TCF12: variants seen among roughly 807,000 people sequenced by gnomAD.
TCF12 encodes transcription factor 12.
A neutral mutation model predicts 86.0 loss-of-function variants in TCF12; 45 were observed. That is an observed-to-expected ratio of 0.52 (90% CI 0.41 to 0.67). TCF12 has a LOEUF of 0.67. TCF12 is among the 30% of genes least tolerant of loss of function. TCF12 has a pLI of 0.00. For missense variants in TCF12, 881 were observed against 859.9 expected, an observed-to-expected ratio of 1.02 and a Z score of -0.31; for synonymous variants, 330 against 299.6, an observed-to-expected ratio of 1.10 and a Z score of -1.05.
chr15:56,939,586 G>A (rs375900902), intron 3 of TCF12, among the ~76,000 whole-genome samples: 1 of 152,150 alleles, frequency 6.6e-6, no homozygotes, highest in Non-Finnish European at 1.5e-5. Context: ...CAAAGATAGT[G>A]CTTTACACTT....
intron 3 of TCF12, among the ~76,000 whole-genome samples, chr15:56,966,451 GCCTTGT>G (rs1652339757): frequency 6.6e-6 from 1 of 152,164 alleles, no homozygotes. Flanking sequence ...AGGTAGCTAA[GCCTTGT>G]TAAAATCAGA....
chr15:57,181,226 G>A, intron 6 of TCF12, among the ~76,000 whole-genome samples: 1 of 151,922 alleles, frequency 6.6e-6, no homozygotes. Context: ...GACAAAGTAA[G>A]CCTGTTTTTC....
In TCF12 at chr15:57,007,852, C is replaced by CCCTTCCTTCCTTCCTTCCTT. The variant is rs60825721; in HGVS notation, c.149-55854_149-55835dup. 2.0e-3 allele frequency among the ~76,000 whole-genome samples: 203 copies of CCCTTCCTTCCTTCCTTCCTT among 101,216 alleles called. 4 individuals carry two copies. The highest frequency in any genetic ancestry group is 2.6e-3 in the Non-Finnish European group (132 of 50,236). 66.4% of individuals were successfully genotyped at this position (101,216 alleles called of 152,430 possible). ...TCTTTCTTTCTTTCTCTCTTTCCCT[C>CCCTTCCTTCCTTCCTTCCTT]CCTTCCTTCCTTCCTTCCTTCCTTC... On this transcript the variant is annotated intron_variant, in intron 3 of 20. Transcript: ENST00000333725.
At chr15:57,081,606 C>G (rs2070664290) in intron 4 of TCF12, among the ~76,000 whole-genome samples, 1 of 152,168 alleles carries the variant, frequency 6.6e-6, no homozygotes. Context: ...GGCGTGATCT[C>G]AGATCACTAC....
intron 3 of TCF12, among the ~76,000 whole-genome samples, chr15:57,002,528 A>G (rs1435893038): frequency 6.6e-6 from 1 of 152,194 alleles, no homozygotes; most frequent in East Asian, 1.9e-4. Flanking sequence ...ATTGACTATA[A>G]TTAATTGACT....
intron 4 of TCF12, among the ~76,000 whole-genome samples, chr15:57,090,960 T>C (rs1471348767): frequency 1.3e-5 from 2 of 152,228 alleles, no homozygotes; most frequent in African/African-American, 4.8e-5. Flanking sequence ...TTGTAACACT[T>C]GTTTTTGTTT....
chr15:57,075,804 T>TTCTTTCTTTCTTTC (rs1461514777), intron 4 of TCF12, among the ~76,000 whole-genome samples: 7 of 28,600 alleles, frequency 2.4e-4, no homozygotes, highest in Non-Finnish European at 3.9e-4. Flanking sequence ...CTTTCTTTCT[T>TTCTTTCTTTCTTTC]TCTCTCTCTC....
chr15:57,282,607 G>C lies in TCF12; in HGVS notation c.*11+9G>C, dbSNP rs368193060. 6.2e-7 allele frequency: 1 copy of C among 1,600,450 alleles called. No homozygotes were observed. The highest frequency in any genetic ancestry group is 8.5e-7 in the Non-Finnish European group (1 of 1,175,750). ...ATGTAAACATCAGCCAGGTAAGTACGGGTTTGAAAAGAAACAGCAAGGAAA... is the reference window on the plus strand; with the variant it reads ...ATGTAAACATCAGCCAGGTAAGTACCGGTTTGAAAAGAAACAGCAAGGAAA... On this transcript the variant is annotated intron_variant, in intron 20 of 20. Transcript: ENST00000333725.
chr15:57,167,912 T>C (rs1485092836), intron 6 of TCF12, among the ~76,000 whole-genome samples: 2 of 152,340 alleles, frequency 1.3e-5, no homozygotes, highest in East Asian at 3.9e-4. Context: ...CATTGTGTCA[T>C]AGCCAGTGTT....
intron 4 of TCF12, among the ~76,000 whole-genome samples, chr15:57,075,826 C>CTT (rs1158055663): frequency 4.8e-4 from 30 of 61,984 alleles, no homozygotes; most frequent in South Asian, 1.4e-3. Context: ...CTCTCTCTCT[C>CTT]TCTCTCTCTT....
intron 3 of TCF12, among the ~76,000 whole-genome samples, chr15:57,019,708 A>G (rs2065357129): frequency 6.6e-6 from 1 of 152,024 alleles, no homozygotes; most frequent in Admixed American, 6.6e-5. Flanking sequence ...AAACATCTCA[A>G]AAGACCAGCC....
intron 3 of TCF12, among the ~76,000 whole-genome samples, chr15:56,939,802 A>G (rs575389373): frequency 6.6e-6 from 1 of 152,266 alleles, no homozygotes; most frequent in East Asian, 1.9e-4. Context: ...TGAGGTGTTC[A>G]TTTTTGAGAA....
chr15:57,075,800 T>TCTCTCTCTCTCTCTCTCTCTCTCTCTC (rs1567370475), intron 4 of TCF12, among the ~76,000 whole-genome samples: 4 of 20,506 alleles, frequency 2.0e-4, no homozygotes, highest in Admixed American at 6.2e-4. Context: ...CTTTCTTTCT[T>TCTCTCTCTCTCTCTCTCTCTCTCTCTC]TCTTTCTCTC....
intron 4 of TCF12, among the ~76,000 whole-genome samples, chr15:57,075,804 T>TTCTTTCTCTCTCTCTCTC (rs1461514777): frequency 0.01 from 286 of 28,502 alleles, 4 homozygotes; most frequent in Non-Finnish European, 0.015. Context: ...CTTTCTTTCT[T>TTCTTTCTCTCTCTCTCTC]TCTCTCTCTC....
At chr15:57,046,413 A>G (rs533265213) in intron 3 of TCF12, among the ~76,000 whole-genome samples, 1 of 152,044 alleles carries the variant, frequency 6.6e-6, no homozygotes, top group African/African-American at 2.4e-5. Flanking sequence ...CATCAGTTAG[A>G]TTCATTTTTT....
At chr15:57,048,325 G>C (rs1169383589) in intron 3 of TCF12, among the ~76,000 whole-genome samples, 1 of 152,046 alleles carries the variant, frequency 6.6e-6, no homozygotes, top group Non-Finnish European at 1.5e-5. Flanking sequence ...GCAGTGGCGC[G>C]ATCTCGGCTC....
chr15:57,012,242 A>G (rs760081756), intron 3 of TCF12, among the ~76,000 whole-genome samples: 9 of 152,220 alleles, frequency 5.9e-5, no homozygotes, highest in Admixed American at 1.3e-4. Context: ...TATATATTCA[A>G]TTACTGTTAT....
At chr15:57,048,322 C>T (rs1352032416) in intron 3 of TCF12, among the ~76,000 whole-genome samples, 2 of 152,040 alleles carry the variant, frequency 1.3e-5, no homozygotes, top group African/African-American at 2.4e-5. Flanking sequence ...AGTGCAGTGG[C>T]GCGATCTCGG....
chr15:57,277,619 C>G (rs2061461688), intron 19 of TCF12, among the ~76,000 whole-genome samples: 1 of 139,606 alleles, frequency 7.2e-6, no homozygotes, highest in Non-Finnish European at 1.5e-5. Context: ...CAGAGTGAGA[C>G]TCCATCTCAA....
Sources: allele counts gnomAD v4.1 joint callset (sites outside exome capture counted in the v4.1 genomes callset), GRCh38; gene constraint gnomAD v4.1.1; transcripts MANE v1.5; gene names NCBI Gene and HGNC (gene_info 2026-07-23, HGNC 2026-07-21).